The following ACOT7 variants were observed in gnomAD, a reference collection of about 807,000 sequenced individuals.
The protein encoded by ACOT7 is acyl-CoA thioesterase 7, also known as cytosolic acyl coenzyme A thioester hydrolase.
In ACOT7, 12 loss-of-function variants were observed where a neutral mutation model predicts 40.2. That is an observed-to-expected ratio of 0.30 (90% CI 0.19 to 0.48). The LOEUF is 0.48. Among genes scored for constraint, ACOT7 ranks in the 20% least tolerant of loss-of-function variants. The pLI, the probability that ACOT7 is intolerant of heterozygous loss-of-function variation, is 0.99. For missense variants in ACOT7, 395 were observed against 530.8 expected, an observed-to-expected ratio of 0.74 and a Z score of 2.51; for synonymous variants, 228 against 219.5, an observed-to-expected ratio of 1.04 and a Z score of -0.34.
chr1:6,269,716 T>C (rs934855001), intron 8 of ACOT7, among the ~76,000 whole-genome samples: 1 of 152,218 alleles, frequency 6.6e-6, no homozygotes, highest in Admixed American at 6.5e-5. Flanking sequence ...AAATGCTGTC[T>C]GATGATGGAT....
intron 7 of ACOT7, among the ~76,000 whole-genome samples, chr1:6,292,960 G>C (rs1042884857): frequency 1.3e-5 from 2 of 150,154 alleles, no homozygotes; most frequent in Admixed American, 1.3e-4. Flanking sequence ...CGCGATCTCG[G>C]CTCACTGCAA....
At chr1:6,367,299 G>C (rs979448052) in intron 1 of ACOT7, among the ~76,000 whole-genome samples, 2 of 152,126 alleles carry the variant, frequency 1.3e-5, no homozygotes, top group African/African-American at 4.8e-5. Flanking sequence ...GGGATCTTTG[G>C]GGTATCCCTT....
chr1:6,335,796 T>C (rs1171739365), intron 3 of ACOT7, among the ~76,000 whole-genome samples: 2 of 152,238 alleles, frequency 1.3e-5, no homozygotes, highest in East Asian at 1.9e-4. Flanking sequence ...GGGCTCCCAG[T>C]GCTTGGGAAC....
rs1475378176 is a variant in ACOT7, at chr1:6,283,077, C to T, written c.830-1791G>A. 3.9e-5 allele frequency among the ~76,000 whole-genome samples: 6 copies of T among 152,270 alleles called. No homozygotes were observed. In the South Asian group the frequency reaches 8.3e-4, roughly 21 times the overall value. On this transcript the variant is annotated intron_variant, in intron 7 of 8. Coordinates refer to ENST00000361521, the MANE Select transcript of ACOT7 (RefSeq NM_007274.4). The stretch of plus-strand genomic sequence containing the variant: ...TTCCCTGTGGCCACGGTGTCACACA[C>T]GGGGGCCACCCATGAGCGTGGTGCC...
rs1640337782 is a variant in ACOT7, at chr1:6,311,762, C to T, written c.712+6730G>A. Among the ~76,000 whole-genome samples the T allele has an allele frequency of 6.6e-6, 1 of 152,202 alleles. No individual in the cohort carries two copies. Among genetic ancestry groups the T allele is most frequent in the African/African-American group, 2.4e-5 (1 of 41,450 alleles). ...AAACACACTCATGGACACACGAGTCCAGGAGCGCCCCTTTCTCACAGCCGT... is the reference window on the plus strand; with the variant it reads ...AAACACACTCATGGACACACGAGTCTAGGAGCGCCCCTTTCTCACAGCCGT... On this transcript the variant is annotated intron_variant, in intron 6 of 8. Transcript: ENST00000361521. The surrounding 1 kb of genome is among the most constrained non-coding windows in gnomAD (Gnocchi z 5.2).
intron 8 of ACOT7, among the ~76,000 whole-genome samples, chr1:6,266,283 C>A (rs1434906714): frequency 6.6e-6 from 1 of 152,198 alleles, no homozygotes; most frequent in Admixed American, 6.5e-5. Flanking sequence ...TGGGCAAGAC[C>A]CCTGAGCTTC....
chr1:6,304,468 A>G (rs1326705307), intron 6 of ACOT7, among the ~76,000 whole-genome samples: 1 of 140,564 alleles, frequency 7.1e-6, no homozygotes, highest in African/African-American at 2.7e-5. Context: ...GTCACAGGAC[A>G]ATAGTGGAGG....
In ACOT7 at chr1:6,301,905, C is replaced by T. The variant is rs140383638; in HGVS notation, c.713-6925G>A. On this transcript the variant is annotated intron_variant, in intron 6 of 8. Coordinates refer to ENST00000361521, the MANE Select transcript of ACOT7 (RefSeq NM_007274.4). The surrounding 1 kb of genome is among the most constrained non-coding windows in gnomAD (Gnocchi z 4.1). ...CTCCAGCCCCAGCAGCCAGCACACA[C>T]GCACCGGCCTGGGAAACCACGCAGA... Among the ~76,000 whole-genome samples, 776 of 152,314 alleles carry T rather than the reference C, an allele frequency of 5.1e-3. 9 individuals carry two copies. The highest frequency in any genetic ancestry group is 0.018 in the African/African-American group (740 of 41,570).
intron 7 of ACOT7, among the ~76,000 whole-genome samples, chr1:6,286,163 C>A (rs937617036): frequency 1.3e-5 from 2 of 152,224 alleles, no homozygotes; most frequent in Non-Finnish European, 2.9e-5. Context: ...CCACATCACC[C>A]GTCCAAATGC....
At chr1:6,378,848 GC>G (rs1163204010) in intron 1 of ACOT7, among the ~76,000 whole-genome samples, 1 of 151,870 alleles carries the variant, frequency 6.6e-6, no homozygotes, top group Admixed American at 6.6e-5. Context: ...GGCGTGGCCT[GC>G]CCCTGAGAAG....
Position 6,288,235 on chromosome 1 carries a change from C to G in ACOT7, c.829+6629G>C, listed in dbSNP as rs1476527624. On this transcript the variant is annotated intron_variant, in intron 7 of 8. Transcript: ENST00000361521. This position sits in a 1 kb window ranked among gnomAD's most constrained non-coding sequence, Gnocchi z 4.3. ...GCGGGCTCCAGCCTGTCGTGGCCCTCGCGTCCCCAGCACCAACTCCGTTGC... is the reference window on the plus strand; with the variant it reads ...GCGGGCTCCAGCCTGTCGTGGCCCTGGCGTCCCCAGCACCAACTCCGTTGC... Among the ~76,000 whole-genome samples, 1 of 152,234 alleles carries G rather than the reference C, an allele frequency of 6.6e-6. No individual in the cohort carries two copies. Among genetic ancestry groups the G allele is most frequent in the Admixed American group, 6.5e-5 (1 of 15,288 alleles).
chr1:6,351,472 A>T (rs1177063156), intron 1 of ACOT7, among the ~76,000 whole-genome samples: 1 of 152,260 alleles, frequency 6.6e-6, no homozygotes, highest in Non-Finnish European at 1.5e-5. Flanking sequence ...GTAGCCAATT[A>T]TAAGTCACAA....
Position 6,288,327 on chromosome 1 carries a change from C to G in ACOT7, c.829+6537G>C, listed in dbSNP as rs146864757. On this transcript the variant is annotated intron_variant, in intron 7 of 8. Transcript: ENST00000361521. The surrounding 1 kb of genome is among the most constrained non-coding windows in gnomAD (Gnocchi z 4.3). Reference sequence around the variant, plus strand: ...CCATTTCCCATGAGATCCAGTCGCACAGATGAAGCGGTCCTTCCTTCACCC... The same window carrying G: ...CCATTTCCCATGAGATCCAGTCGCAGAGATGAAGCGGTCCTTCCTTCACCC... Among the ~76,000 whole-genome samples the G allele has an allele frequency of 6.6e-6, 1 of 152,362 alleles. No individual in the cohort carries two copies. The highest frequency in any genetic ancestry group is 2.4e-5 in the African/African-American group (1 of 41,574).
chr1:6,283,603 A>C (rs1328100782), intron 7 of ACOT7, among the ~76,000 whole-genome samples: 1 of 152,260 alleles, frequency 6.6e-6, no homozygotes, highest in African/African-American at 2.4e-5. Context: ...CAATGACTTT[A>C]AACAACTAAG....
rs995954878 is a variant in ACOT7 at position 6,264,420 on chromosome 1, G to C, written c.*177C>G. 4.9e-6 allele frequency: 3 copies of C among 613,814 alleles called. 1 individual carries two copies. The highest frequency in any genetic ancestry group is 8.6e-6 in the Non-Finnish European group (3 of 350,000). The allele number at this position is 613,814 out of a possible 1,614,324, so 38.0% of individuals were successfully genotyped here. On this transcript the variant is annotated 3_prime_UTR_variant, in exon 9 of 9. Coordinates refer to ENST00000361521, the MANE Select transcript of ACOT7 (RefSeq NM_007274.4). ...TTGATACTGGAATGATATAAATAAA[G>C]CTTTGGTGTGTAGGTTTGCAGGAGA...
chr1:6,312,899 T>C (rs917946656), intron 6 of ACOT7, among the ~76,000 whole-genome samples: 10 of 152,164 alleles, frequency 6.6e-5, no homozygotes, highest in African/African-American at 2.4e-4. Context: ...TTTAATTACA[T>C]GAGGTGAGCC....
At position 6,306,901 on chromosome 1, in the gene ACOT7, G is replaced by GT. The variant is rs951755336; in HGVS notation, c.712+11590dup. 1.6e-6 allele frequency: 2 copies of GT among 1,289,106 alleles called. No homozygotes were observed. The highest frequency in any genetic ancestry group is 4.6e-5 in the Admixed American group (2 of 43,546). 79.9% of individuals were successfully genotyped at this position (1,289,106 alleles called of 1,614,324 possible). A position where few individuals can be genotyped will look rare whatever the true frequency, so the allele number is the denominator to read the frequency against. Reference sequence around the variant, plus strand: ...ACTCCTCCTGCAGGTGCAAAAGATTGTTTTTTCACAACTGCCCCAAGAAGA... The same window carrying GT: ...ACTCCTCCTGCAGGTGCAAAAGATTGTTTTTTTCACAACTGCCCCAAGAAGA... On this transcript the variant is annotated intron_variant, in intron 6 of 8. Coordinates refer to ENST00000361521, the MANE Select transcript of ACOT7 (RefSeq NM_007274.4). This position sits in a 1 kb window ranked among gnomAD's most constrained non-coding sequence, Gnocchi z 4.3.
At chr1:6,315,020 A>C (rs1049044994) in intron 6 of ACOT7, among the ~76,000 whole-genome samples, 5 of 152,132 alleles carry the variant, frequency 3.3e-5, no homozygotes, top group Non-Finnish European at 7.4e-5. Context: ...TAAAGACAGG[A>C]GGTTCTGTCC....
At chr1:6,270,552 C>T (rs1639002481) in intron 8 of ACOT7, among the ~76,000 whole-genome samples, 1 of 152,222 alleles carries the variant, frequency 6.6e-6, no homozygotes, top group South Asian at 2.1e-4. Context: ...GTATCCCGGG[C>T]ACCTGCCTGA....
Sources: gnomAD v4.1 joint callset for allele counts (sites outside exome capture counted in the v4.1 genomes callset) on GRCh38, gnomAD v4.1.1 for gene constraint, Gnocchi (gnomAD v3.1) non-coding constraint, MANE v1.5 for transcripts, NCBI Gene and HGNC (gene_info 2026-07-23, HGNC 2026-07-21) for gene names.